ANKMY1: variants seen among roughly 807,000 people sequenced by gnomAD.
ANKMY1 encodes the protein ankyrin repeat and MYND domain containing 1, also known as ankyrin repeat and MYND domain-containing protein 1.
Under a neutral mutation model 102.0 loss-of-function variants are expected in ANKMY1, and 98 were observed. That is an observed-to-expected ratio of 0.96 (90% CI 0.82 to 1.14). The LOEUF (loss-of-function observed/expected upper bound fraction) is 1.14, where lower values mean the gene tolerates loss of function less well. Ranked by LOEUF, ANKMY1 falls within the 50% of genes most tolerant of loss-of-function variation. The pLI, the probability that ANKMY1 is intolerant of heterozygous loss-of-function variation, is 0.00. For synonymous variants in ANKMY1, 582 were observed against 559.9 expected (o/e 1.04, Z -0.56); for missense variants, 1,330 against 1,347.6 (o/e 0.99, Z 0.20).
intron 6 of ANKMY1, 90 bp from the exon 7 acceptor site, chr2:240,525,939 C>T (rs1306594325): frequency 1.2e-5 from 17 of 1,462,804 alleles, no homozygotes; most frequent in Non-Finnish European, 1.5e-5. Context: ...CTCATGAGGC[C>T]ACCCTATGGC....
chr2:240,529,437 G>A lies in ANKMY1; in HGVS notation c.553C>T (p.Leu185=). 1 of 1,614,146 alleles carries A rather than the reference G, an allele frequency of 6.2e-7. No individual in the cohort carries two copies. The part of the protein sequence containing the change: ...TYPDGSQDVG[L]WFREQLIKLC... ...TTGATGAGCTGCTCTCGGAACCACAGCCCCACGTCCTGGCTGCCATCGGGG... is the reference window on the plus strand; with the variant it reads ...TTGATGAGCTGCTCTCGGAACCACAACCCCACGTCCTGGCTGCCATCGGGG... The change falls in exon 5 of 18, where the codon CTG becomes TTG. Residue 185 remains leucine, a synonymous_variant. Transcript: ENST00000401804. The surrounding 1 kb of genome is among the most constrained non-coding windows in gnomAD (Gnocchi z 4.2).
At chr2:240,516,462 A>G (rs2081238299) in intron 9 of ANKMY1, among the ~76,000 whole-genome samples, 1 of 152,122 alleles carries the variant, frequency 6.6e-6, no homozygotes, top group Non-Finnish European at 1.5e-5. Context: ...CGTTGTTCCT[A>G]TGTGTTCCAG....
intron 15 of ANKMY1, among the ~76,000 whole-genome samples, chr2:240,494,985 T>G (rs565677545): frequency 2.2e-4 from 34 of 152,156 alleles, no homozygotes; most frequent in Middle Eastern, 3.4e-3. Flanking sequence ...TACTCTTTAT[T>G]CCAATATTGT....
At chr2:240,549,621 A>G (rs1025107565) in intron 4 of ANKMY1, among the ~76,000 whole-genome samples, 179 of 152,328 alleles carry the variant, frequency 1.2e-3, no homozygotes, top group Admixed American at 3.7e-3. Flanking sequence ...CTCATCTGAC[A>G]AAGGGCTAAT....
At chr2:240,470,454 G>A in the ANKMY1 span, among the ~76,000 whole-genome samples, 4 of 152,312 alleles carry the variant, frequency 2.6e-5, no homozygotes, top group South Asian at 2.1e-4. Context: ...AGCTCTCCCC[G>A]TGTGCACAGC....
chr2:240,482,709 A>G (rs2075559869), intron 15 of ANKMY1, among the ~76,000 whole-genome samples: 1 of 152,244 alleles, frequency 6.6e-6, no homozygotes, highest in African/African-American at 2.4e-5. Context: ...AGGGATTATG[A>G]TCTATATACA....
At chr2:240,526,778 G>A (rs2083532175) in intron 5 of ANKMY1, 3 of 1,249,132 alleles carry the variant, frequency 2.4e-6, no homozygotes, top group Non-Finnish European at 3.1e-6. Flanking sequence ...CAAAGGCCCT[G>A]GGTAGGATGG....
At chr2:240,490,293 C>T (rs906058561) in intron 15 of ANKMY1, among the ~76,000 whole-genome samples, 8 of 151,936 alleles carry the variant, frequency 5.3e-5, no homozygotes, top group South Asian at 2.1e-4. Context: ...TGATCTTTAT[C>T]TATTTTCTTC....
At position 240,479,578 on chromosome 2, in the gene ANKMY1, C is replaced by T. The variant is rs2075099166; in HGVS notation, c.*31G>A. 2 of 1,613,228 alleles carry T rather than the reference C, an allele frequency of 1.2e-6. No homozygotes were observed. The highest frequency in any genetic ancestry group is 1.7e-6 in the Non-Finnish European group (2 of 1,179,414). On this transcript the variant is annotated 3_prime_UTR_variant, in exon 18 of 18. Transcript: ENST00000401804. Reference sequence around the variant, plus strand: ...TAAGAAACCCACACAGTCCTGGGTCCTCCCCAAGCCTCGGACGTGCAGCTG... The same window carrying T: ...TAAGAAACCCACACAGTCCTGGGTCTTCCCCAAGCCTCGGACGTGCAGCTG...
chr2:240,544,554 C>T (rs936477169), intron 4 of ANKMY1, among the ~76,000 whole-genome samples: 2 of 152,168 alleles, frequency 1.3e-5, no homozygotes, highest in South Asian at 2.1e-4. Context: ...CGAGCATAAG[C>T]GACGCAGAAG....
intron 8 of ANKMY1, chr2:240,521,987 A>T (rs2082376917): frequency 6.6e-6 from 1 of 152,260 alleles, no homozygotes; most frequent in South Asian, 2.1e-4. Flanking sequence ...AAGCTTCCAC[A>T]GCACAGAAAG....
chr2:240,487,288 T>C (rs1243138973), intron 15 of ANKMY1, among the ~76,000 whole-genome samples: 1 of 152,254 alleles, frequency 6.6e-6, no homozygotes, highest in South Asian at 2.1e-4. Context: ...GTTCCACTTG[T>C]GTGGCTACAA....
chr2:240,533,728 C>T (rs977218373), intron 4 of ANKMY1, among the ~76,000 whole-genome samples: 11 of 151,152 alleles, frequency 7.3e-5, no homozygotes, highest in African/African-American at 2.7e-4. Flanking sequence ...AACACACACA[C>T]ACACACACAC....
chr2:240,557,111 T>C, intron 2 of ANKMY1, 79 bp downstream of exon 2: 1 of 1,363,416 alleles, frequency 7.3e-7, no homozygotes, highest in Non-Finnish European at 9.6e-7. Flanking sequence ...GGATTTTTAC[T>C]GCTTGCCTTA....
At position 240,515,655 on chromosome 2, in the gene ANKMY1, A is replaced by G. The variant is rs983698529; in HGVS notation, c.2005-2713T>C. On this transcript the variant is annotated intron_variant, in intron 9 of 17. Coordinates refer to ENST00000401804, the MANE Select transcript of ANKMY1 (RefSeq NM_001282771.3). ...AGGTTTTATTAAAATTAGCTTTAAC[A>G]TTCATAATACAAGGGTAAAATTTGT... 3.9e-5 allele frequency among the ~76,000 whole-genome samples: 6 copies of G among 152,250 alleles called. No individual in the cohort carries two copies. The East Asian group carries it at 1.2e-3, about 29-fold the overall frequency.
chr2:240,537,776 G>C (rs67937425), intron 4 of ANKMY1, among the ~76,000 whole-genome samples: 17,451 of 152,280 alleles, frequency 0.11, 1,135 homozygotes, highest in Middle Eastern at 0.17. Flanking sequence ...TCTGCACGCT[G>C]TAAACCACAA....
intron 4 of ANKMY1, among the ~76,000 whole-genome samples, chr2:240,547,421 A>C (rs1179610656): frequency 6.6e-6 from 1 of 151,126 alleles, no homozygotes; most frequent in Admixed American, 6.6e-5. Flanking sequence ...GAAAGATCCA[A>C]AATTGACACC....
intron 5 of ANKMY1, 200 bp from the exon 6 acceptor site, chr2:240,526,645 C>T: frequency 7.0e-7 from 1 of 1,436,548 alleles, no homozygotes; most frequent in Non-Finnish European, 9.1e-7. Flanking sequence ...GTGGTGCAGA[C>T]ATGCCACCTG....
At chr2:240,522,790 G>T (rs763928106) in intron 8 of ANKMY1, 1 of 152,134 alleles carries the variant, frequency 6.6e-6, no homozygotes, top group African/African-American at 2.4e-5. Context: ...CGCTGCTAAC[G>T]CCATCTCACG....
Sources: gnomAD v4.1 joint callset for allele counts (sites outside exome capture counted in the v4.1 genomes callset) on GRCh38, gnomAD v4.1.1 for gene constraint, Gnocchi (gnomAD v3.1) non-coding constraint, MANE v1.5 for transcripts, NCBI Gene and HGNC (gene_info 2026-07-23, HGNC 2026-07-21) for gene names.